Variants in MLLT3 observed in about 807,000 individuals in gnomAD.
MLLT3 encodes MLLT3 super elongation complex subunit.
A neutral mutation model predicts 53.2 loss-of-function variants in MLLT3; 4 were observed. The observed-to-expected ratio is 0.08, with a 90% CI of 0.04 to 0.17. The LOEUF (loss-of-function observed/expected upper bound fraction) is 0.17, where lower values mean the gene tolerates loss of function less well. Ranked by LOEUF, MLLT3 falls within the 10% of genes least tolerant of loss-of-function variation. MLLT3 has a pLI of 1.00. For synonymous variants in MLLT3, 283 were observed against 230.6 expected (o/e 1.23, Z -2.06); for missense variants, 569 against 684.0 (o/e 0.83, Z 1.87).
intron 10 of MLLT3, among the ~76,000 whole-genome samples, chr9:20,352,044 T>C (rs539973556): frequency 6.6e-6 from 1 of 152,308 alleles, no homozygotes; most frequent in East Asian, 1.9e-4. Flanking sequence ...ACTAAAATAA[T>C]CCACTTGGAT....
At chr9:20,574,808 C>G (rs1434590676) in intron 2 of MLLT3, among the ~76,000 whole-genome samples, 1 of 152,198 alleles carries the variant, frequency 6.6e-6, no homozygotes, top group East Asian at 1.9e-4. Flanking sequence ...CAAAAGATTT[C>G]TCTGTAGCAT....
intron 2 of MLLT3, among the ~76,000 whole-genome samples, chr9:20,581,112 A>G (rs544155475): frequency 6.6e-6 from 1 of 152,356 alleles, no homozygotes; most frequent in Non-Finnish European, 1.5e-5. Context: ...AGGACTGCTG[A>G]ACGAACCTTT....
At chr9:20,513,262 C>G (rs1817806017) in intron 2 of MLLT3, among the ~76,000 whole-genome samples, 1 of 152,148 alleles carries the variant, frequency 6.6e-6, no homozygotes. Context: ...TGACCTGTGT[C>G]CAGTTTATTC....
intron 1 of MLLT3, 78 bp downstream of exon 1, chr9:20,622,167 G>A (rs556987290): frequency 3.5e-6 from 5 of 1,447,238 alleles, no homozygotes; most frequent in East Asian, 2.3e-5. Context: ...GAGCGCTGGC[G>A]CTGTCTGGGC....
At chr9:20,441,204 A>G (rs1440097399) in intron 4 of MLLT3, among the ~76,000 whole-genome samples, 1 of 152,142 alleles carries the variant, frequency 6.6e-6, no homozygotes, top group Admixed American at 6.6e-5. Context: ...TTGGGAAGGA[A>G]GGAACAAATG....
At chr9:20,545,155 G>A (rs1818753866) in intron 2 of MLLT3, among the ~76,000 whole-genome samples, 1 of 147,726 alleles carries the variant, frequency 6.8e-6, no homozygotes, top group African/African-American at 2.5e-5. Context: ...ATAGCCAAGA[G>A]GTAGGAGGAG....
At chr9:20,582,209 C>A (rs1022479510) in intron 2 of MLLT3, among the ~76,000 whole-genome samples, 2 of 152,146 alleles carry the variant, frequency 1.3e-5, no homozygotes, top group African/African-American at 4.8e-5. Flanking sequence ...TTTGCTACAA[C>A]TGATAAACCA....
At chr9:20,473,144 C>A (rs1824436598) in intron 2 of MLLT3, among the ~76,000 whole-genome samples, 1 of 152,152 alleles carries the variant, frequency 6.6e-6, no homozygotes, top group Non-Finnish European at 1.5e-5. Flanking sequence ...ACATCCACTG[C>A]ACTAGAGATC....
chr9:20,509,873 T>G (rs115922693), intron 2 of MLLT3, among the ~76,000 whole-genome samples: 2 of 135,752 alleles, frequency 1.5e-5, no homozygotes, highest in African/African-American at 5.7e-5. Context: ...ACAATTATTA[T>G]TTTTTTTTTT....
chr9:20,446,641 C>T (rs1010784237), intron 4 of MLLT3, among the ~76,000 whole-genome samples: 1 of 151,950 alleles, frequency 6.6e-6, no homozygotes, highest in East Asian at 1.9e-4. Context: ...TGTAAAATGC[C>T]GAATTCATTA....
At chr9:20,465,671 A>G (rs1336936173) in intron 2 of MLLT3, among the ~76,000 whole-genome samples, 3 of 152,156 alleles carry the variant, frequency 2.0e-5, no homozygotes, top group Non-Finnish European at 2.9e-5. Context: ...TCCCTTTTCC[A>G]GGACAGGATC....
At chr9:20,420,683 C>T (rs1039407571) in intron 4 of MLLT3, among the ~76,000 whole-genome samples, 3 of 151,990 alleles carry the variant, frequency 2.0e-5, no homozygotes, top group Non-Finnish European at 4.4e-5. Context: ...AATAATTATA[C>T]GTAGAATTTT....
chr9:20,456,612 G>T, intron 3 of MLLT3, 92 bp downstream of exon 3: 1 of 890,926 alleles, frequency 1.1e-6, no homozygotes. Context: ...ATCATCTAGT[G>T]ACAGAAGTGC....
chr9:20,529,382 A>C (rs1818273583), intron 2 of MLLT3, among the ~76,000 whole-genome samples: 1 of 152,228 alleles, frequency 6.6e-6, no homozygotes, highest in Non-Finnish European at 1.5e-5. Context: ...TTGTAACTTA[A>C]TTTGAAAATA....
intron 2 of MLLT3, among the ~76,000 whole-genome samples, chr9:20,548,499 T>C (rs1004338616): frequency 2.0e-5 from 3 of 152,212 alleles, no homozygotes; most frequent in African/African-American, 7.2e-5. Context: ...TGACATCCCA[T>C]TGGAGTACAT....
intron 2 of MLLT3, among the ~76,000 whole-genome samples, chr9:20,551,114 G>A (rs758030702): frequency 9.8e-5 from 15 of 152,294 alleles, no homozygotes; most frequent in East Asian, 3.9e-4. Context: ...AATACTCATC[G>A]TGAAAATCAA....
rs964455821 is a variant in MLLT3 at position 20,349,521 on chromosome 9, G to T, written c.1576-2947C>A. ...AATGCAGAAACTAAAACTCAGAAAG[G>T]CCGGCTTGAATTAAAAAAAAAAAAT... On this transcript the variant is annotated intron_variant, in intron 10 of 10. Transcript: ENST00000380338. 1.9e-4 allele frequency among the ~76,000 whole-genome samples: 29 copies of T among 148,834 alleles called. 1 individual carries two copies. The highest frequency in any genetic ancestry group is 1.8e-4 in the Non-Finnish European group (12 of 67,052).
chr9:20,495,906 T>C (rs949251031), intron 2 of MLLT3, among the ~76,000 whole-genome samples: 2 of 152,184 alleles, frequency 1.3e-5, no homozygotes, highest in Admixed American at 1.3e-4. Context: ...GTCAATGTTA[T>C]ACCTGTAACA....
At chr9:20,436,743 G>A (rs755710033) in intron 4 of MLLT3, among the ~76,000 whole-genome samples, 4 of 152,046 alleles carry the variant, frequency 2.6e-5, no homozygotes, top group Non-Finnish European at 4.4e-5. Context: ...GTAAAATGGT[G>A]ACCTTGACCT....
Sources: allele counts gnomAD v4.1 joint callset (sites outside exome capture counted in the v4.1 genomes callset), GRCh38; gene constraint gnomAD v4.1.1; transcripts MANE v1.5; gene names NCBI Gene and HGNC (gene_info 2026-07-23, HGNC 2026-07-21).